Variants in CRYBG3 observed in about 807,000 individuals in gnomAD.
CRYBG3 encodes the protein very large A-kinase anchor protein.
In CRYBG3, 127 loss-of-function variants were observed where a neutral mutation model predicts 244.2. The observed-to-expected ratio is 0.52, with a 90% confidence interval of 0.45 to 0.60. The LOEUF (loss-of-function observed/expected upper bound fraction) is 0.60, where lower values mean the gene tolerates loss of function less well. Among genes scored for constraint, CRYBG3 ranks in the 20% least tolerant of loss-of-function variants. The pLI is 0.00. For missense variants in CRYBG3, 3,325 were observed against 3,442.5 expected (o/e 0.97, Z 0.85); for synonymous variants, 1,132 against 1,195.8 (o/e 0.95, Z 1.10).
Position 97,875,397 on chromosome 3 carries a change from C to A in CRYBG3, c.4203C>A (p.Tyr1401Ter). 1 of 1,406,040 alleles carries A rather than the reference C, an allele frequency of 7.1e-7. No homozygotes were observed. The highest frequency in any genetic ancestry group is 9.2e-7 in the Non-Finnish European group (1 of 1,088,352). 87.1% of individuals were successfully genotyped at this position (1,406,040 alleles called of 1,614,324 possible). A position where few individuals can be genotyped will look rare whatever the true frequency, so the allele number is the denominator to read the frequency against. The change falls in exon 4 of 22, where the codon TAC (tyrosine) becomes TAA (stop). Residue 1401 changes from tyrosine (Y) to a stop codon, truncating the protein, a stop_gained. Transcript: ENST00000389622. LOFTEE classifies it high-confidence loss of function. ...TTAAGGGAGGAGAAATTGTTCTCTA[C>A]CAAAAATCCCTATTTTCTGGAAATG... is the stretch of plus-strand genomic sequence containing the variant. ...ESIKGGEIVL[Y>*]QKSLFSGNGS...
At position 97,943,752 on chromosome 3, in the gene CRYBG3, T is replaced by G. The variant is rs2040287649; in HGVS notation, c.*438T>G. ...CAGATTTCTATAGGTCAAGTCATAC[T>G]TTTGCAAACAGATGAGTAATTTTTT... is the stretch of plus-strand genomic sequence containing the variant. On this transcript the variant is annotated 3_prime_UTR_variant, in exon 22 of 22. Transcript: ENST00000389622. The G allele has an allele frequency of 7.8e-6, 1 of 127,570 alleles. No homozygotes were observed. The highest frequency in any genetic ancestry group is 2.6e-4 in the South Asian group (1 of 3,808). The allele number at this position is 127,570 out of a possible 1,614,324, so 7.9% of individuals were successfully genotyped here. A position where few individuals can be genotyped will look rare whatever the true frequency, so the allele number is the denominator to read the frequency against.
intron 15 of CRYBG3, among the ~76,000 whole-genome samples, chr3:97,910,311 T>G (rs1315385845): frequency 6.6e-5 from 10 of 152,344 alleles, no homozygotes; most frequent in East Asian, 5.8e-4. Flanking sequence ...GTTTACCTAA[T>G]CAAGCCTGGG....
chr3:97,901,479 G>A (rs535346181), intron 15 of CRYBG3, among the ~76,000 whole-genome samples: 27 of 151,988 alleles, frequency 1.8e-4, no homozygotes, highest in Non-Finnish European at 3.1e-4. Context: ...CAATGCTTTC[G>A]GGTTTTATTA....
chr3:97,921,155 G>C (rs2039980717), intron 17 of CRYBG3, among the ~76,000 whole-genome samples: 2 of 134,984 alleles, frequency 1.5e-5, no homozygotes, highest in Admixed American at 8.7e-5. Flanking sequence ...ATAGAATGAA[G>C]TTTTTCTTTC....
Position 97,874,258 on chromosome 3 carries a change from G to C in CRYBG3, c.3064G>C (p.Ala1022Pro), listed in dbSNP as rs573388721. 2 of 1,535,146 alleles carry C rather than the reference G, an allele frequency of 1.3e-6. No homozygotes were observed. Among genetic ancestry groups the C allele is most frequent in the Non-Finnish European group, 8.7e-7 (1 of 1,146,662 alleles). The change falls in exon 4 of 22, where the codon GCA becomes CCA. Residue 1022 changes from alanine (A) to proline (P), a missense_variant. This residue lies in a region of CRYBG3 where 1,526 missense variants were observed against 1,443.2 expected (regional missense o/e 1.06). Coordinates refer to ENST00000389622, the MANE Select transcript of CRYBG3 (RefSeq NM_153605.4). ...SDSSLEKNSS[A>P]SEDSSFLKVP... ...TTCCAGTTTGGAAAAAAATTCTTCT[G>C]CATCTGAGGACTCAAGCTTCCTTAA... is the stretch of plus-strand genomic sequence containing the variant.
At chr3:97,835,035 ATAAAAG>A in intron 1 of CRYBG3, among the ~76,000 whole-genome samples, 1 of 152,286 alleles carries the variant, frequency 6.6e-6, no homozygotes. Context: ...AAATATTTTT[ATAAAAG>A]TAAAAGTTCT....
chr3:97,889,498 C>G (rs1404017449), intron 10 of CRYBG3, 108 bp downstream of exon 10: 2 of 925,300 alleles, frequency 2.2e-6, no homozygotes, highest in Non-Finnish European at 3.4e-6. Context: ...TATGATTATA[C>G]TTAGCTAATG....
chr3:97,822,330 C>G lies in CRYBG3; in HGVS notation c.124C>G (p.Pro42Ala), dbSNP rs2038512323. 3 of 1,511,886 alleles carry G rather than the reference C, an allele frequency of 2.0e-6. No homozygotes were observed. Among genetic ancestry groups the G allele is most frequent in the Non-Finnish European group, 2.6e-6 (3 of 1,135,080 alleles). 93.7% of individuals were successfully genotyped at this position (1,511,886 alleles called of 1,614,324 possible). A position where few individuals can be genotyped will look rare whatever the true frequency, so the allele number is the denominator to read the frequency against. ...EEERPGTSPPPAPGRSAASVE... is the reference protein window; with the variant it reads ...EEERPGTSPPAAPGRSAASVE... Reference sequence around the variant, plus strand: ...GGAGAGGCCGGGGACGAGCCCGCCTCCAGCTCCAGGCCGGTCCGCTGCCAG... The same window carrying G: ...GGAGAGGCCGGGGACGAGCCCGCCTGCAGCTCCAGGCCGGTCCGCTGCCAG... The change falls in exon 1 of 22, where the codon CCA (proline) becomes GCA (alanine). Residue 42 changes from proline (P) to alanine (A), a missense_variant. By Grantham distance (27) the Pro-to-Ala change is conservative. This residue lies in a region of CRYBG3 where 1,526 missense variants were observed against 1,443.2 expected (regional missense o/e 1.06). Transcript: ENST00000389622.
Position 97,912,157 on chromosome 3 carries a change from G to T in CRYBG3, c.8005-10G>T, listed in dbSNP as rs2039879860. The stretch of plus-strand genomic sequence containing the variant: ...TTTTCTATTTAACTGTTGTGTTGTT[G>T]TTCTTGTAGCTCAAAGCATTCAGCA... On this transcript the variant is annotated splice_polypyrimidine_tract_variant and intron_variant, in intron 15 of 21. Coordinates refer to ENST00000389622, the MANE Select transcript of CRYBG3 (RefSeq NM_153605.4). 1 of 1,499,104 alleles carries T rather than the reference G, an allele frequency of 6.7e-7. No individual in the cohort carries two copies. Among genetic ancestry groups the T allele is most frequent in the Admixed American group, 1.9e-5 (1 of 52,590 alleles). The allele number at this position is 1,499,104 out of a possible 1,614,324, so 92.9% of individuals were successfully genotyped here.
At chr3:97,890,014 C>T (rs2039557064) in intron 10 of CRYBG3, among the ~76,000 whole-genome samples, 1 of 152,248 alleles carries the variant, frequency 6.6e-6, no homozygotes, top group Admixed American at 6.5e-5. Context: ...ACAGCACCTC[C>T]AGAGGCAGGT....
rs1476198028 is a variant in CRYBG3, at chr3:97,875,940, C to T, written c.4746C>T (p.Val1582=). ...ATAAAATGGATGCTGAATTGAATGT[C>T]ACGAAAACTGAGCCAAAAGCTAATG... ...RIHKMDAELN[V]TKTEPKANVF... is the part of the protein sequence containing the mutation. Residue 1582 remains valine (V), a synonymous_variant, in exon 4 of 22, where the codon GTC becomes GTT. Transcript: ENST00000389622. 8.1e-7 allele frequency: 1 copy of T among 1,231,996 alleles called. No homozygotes were observed. The highest frequency in any genetic ancestry group is 4.1e-5 in the South Asian group (1 of 24,308). 76.3% of individuals were successfully genotyped at this position (1,231,996 alleles called of 1,614,324 possible). A position where few individuals can be genotyped will look rare whatever the true frequency, so the allele number is the denominator to read the frequency against.
intron 17 of CRYBG3, among the ~76,000 whole-genome samples, chr3:97,928,830 T>G (rs1464473805): frequency 1.3e-5 from 2 of 151,942 alleles, no homozygotes; most frequent in Non-Finnish European, 2.9e-5. Flanking sequence ...AAAAAATTTT[T>G]GATTTTAAAG....
chr3:97,896,612 T>G (rs974858362), intron 12 of CRYBG3, among the ~76,000 whole-genome samples: 1 of 152,210 alleles, frequency 6.6e-6, no homozygotes, highest in African/African-American at 2.4e-5. Flanking sequence ...AGCAAGAGAT[T>G]AACATGTTAA....
chr3:97,904,923 A>G (rs1403619483), intron 15 of CRYBG3, among the ~76,000 whole-genome samples: 2 of 126,974 alleles, frequency 1.6e-5, no homozygotes, highest in African/African-American at 6.0e-5. Context: ...AGAGTGTGAT[A>G]TTCCCCTTCC....
intron 2 of CRYBG3, among the ~76,000 whole-genome samples, chr3:97,860,419 G>A (rs982249494): frequency 2.6e-5 from 4 of 152,056 alleles, no homozygotes; most frequent in East Asian, 1.9e-4. Context: ...AACAGAAAGC[G>A]GTTAGGCAGT....
At chr3:97,895,815 A>G (rs1221931213) in intron 11 of CRYBG3, 144 bp from the exon 12 acceptor site, 12 of 668,692 alleles carry the variant, frequency 1.8e-5, no homozygotes, top group Admixed American at 3.0e-5. Flanking sequence ...CCATTTGTCT[A>G]TCTTTATAAA....
chr3:97,872,097 A>G lies in CRYBG3; in HGVS notation c.903A>G (p.Leu301=), dbSNP rs573333743. Residue 301 remains leucine (L), a synonymous_variant, in exon 4 of 22, where the codon TTA becomes TTG. Transcript: ENST00000389622. ...AAGGAAATCTACTTGAAGGCCCATT[A>G]GAAGACTCTGATTGTAGCAAAACAA... is the stretch of plus-strand genomic sequence containing the variant. ...SMKGNLLEGP[L]EDSDCSKTSF... The G allele has an allele frequency of 2.0e-6, 3 of 1,536,024 alleles. No individual in the cohort carries two copies. The highest frequency in any genetic ancestry group is 2.4e-5 in the East Asian group (1 of 40,916).
Position 97,896,072 on chromosome 3 carries a change from G to T in CRYBG3, c.7688G>T (p.Arg2563Leu). ...TTAAGTAGCCCTATCTTGTCTTTCCGGTACTTACAAGCTGTGAGTTAGCTT... is the reference window on the plus strand; with the variant it reads ...TTAAGTAGCCCTATCTTGTCTTTCCTGTACTTACAAGCTGTGAGTTAGCTT... ...GALSSPILSF[R>L]YLQANFIESS... The change falls in exon 12 of 22, where the codon CGG becomes CTG. Residue 2563 changes from arginine (R) to leucine (L), a missense_variant. This residue lies in a region of CRYBG3 where 714 missense variants were observed against 803.6 expected (regional missense o/e 0.89). Coordinates refer to ENST00000389622, the MANE Select transcript of CRYBG3 (RefSeq NM_153605.4). 2 of 1,606,772 alleles carry T rather than the reference G, an allele frequency of 1.2e-6. No individual in the cohort carries two copies. The highest frequency in any genetic ancestry group is 1.7e-6 in the Non-Finnish European group (2 of 1,176,700).
At chr3:97,863,625 C>T (rs2039183007) in intron 2 of CRYBG3, among the ~76,000 whole-genome samples, 1 of 152,066 alleles carries the variant, frequency 6.6e-6, no homozygotes, top group African/African-American at 2.4e-5. Flanking sequence ...TATGGGTTAA[C>T]ACAATGCTGA....
Sources: allele counts gnomAD v4.1 joint callset (sites outside exome capture counted in the v4.1 genomes callset), GRCh38; gene constraint gnomAD v4.1.1; regional missense constraint gnomAD v4.1.1; transcripts MANE v1.5; gene names NCBI Gene and HGNC (gene_info 2026-07-23, HGNC 2026-07-21).